Variants in ADCY8 observed in about 807,000 individuals in gnomAD.
The protein encoded by ADCY8 is adenylate cyclase 8.
A neutral mutation model predicts 119.7 loss-of-function variants in ADCY8; 51 were observed. The ratio of observed to expected loss-of-function variants is 0.43; its 90% confidence interval spans 0.34 to 0.54. The LOEUF (loss-of-function observed/expected upper bound fraction) is 0.54, where lower values mean the gene tolerates loss of function less well. ADCY8 is among the 20% of genes least tolerant of loss of function. The probability of loss-of-function intolerance (pLI) is 0.03; values close to 1 mark genes in which losing one functional copy is unlikely to be tolerated. For missense variants in ADCY8, 1,383 were observed against 1,598.8 expected, an observed-to-expected ratio of 0.87 and a Z score of 2.30; for synonymous variants, 665 against 651.0, an observed-to-expected ratio of 1.02 and a Z score of -0.33.
intron 2 of ADCY8, among the ~76,000 whole-genome samples, chr8:130,984,943 T>C (rs1044818655): frequency 6.6e-6 from 1 of 151,948 alleles, no homozygotes; most frequent in Non-Finnish European, 1.5e-5. Flanking sequence ...AAGTGAAGGT[T>C]GAAGCCATGA....
At chr8:130,849,531 T>G (rs1245164603) in intron 10 of ADCY8, 71 bp downstream of exon 10, 16 of 1,511,620 alleles carry the variant, frequency 1.1e-5, no homozygotes, top group Non-Finnish European at 1.5e-5. Flanking sequence ...TGCAGGAAGC[T>G]GCAGGCTCCA....
At position 130,783,777 on chromosome 8, in the gene ADCY8, C is replaced by T. The variant is rs1434916269; in HGVS notation, c.3182G>A (p.Cys1061Tyr). Residue 1061 changes from cysteine (C) to tyrosine (Y), a missense_variant, in exon 17 of 18, where the codon TGT (cysteine) becomes TAT (tyrosine). Cys to Tyr is a radical substitution (Grantham distance 194). This residue lies in a region of ADCY8 where 928 missense variants were observed against 1,163.5 expected (regional missense o/e 0.80). Coordinates refer to ENST00000286355, the MANE Select transcript of ADCY8 (RefSeq NM_001115.3). ...QQCEDKWGHL[C>Y]ALADFSLALT... ...GGCGAGTGAGAAGTCAGCCAGAGCA[C>T]ACAAATGTCCCCACTTGTCTTCACA... 2 of 1,613,612 alleles carry T rather than the reference C, an allele frequency of 1.2e-6. No homozygotes were observed. The highest frequency in any genetic ancestry group is 2.7e-5 in the African/African-American group (2 of 74,900).
intron 15 of ADCY8, among the ~76,000 whole-genome samples, chr8:130,794,873 TAG>T (rs1340166237): frequency 6.6e-6 from 1 of 152,218 alleles, no homozygotes; most frequent in Non-Finnish European, 1.5e-5. Context: ...CTTAAGGACA[TAG>T]AGTGAGAAAA....
At chr8:130,869,371 C>T (rs191026695) in intron 8 of ADCY8, among the ~76,000 whole-genome samples, 1 of 152,212 alleles carries the variant, frequency 6.6e-6, no homozygotes, top group African/African-American at 2.4e-5. Context: ...TAGAGGCCTA[C>T]ACAGAGCAGC....
chr8:131,019,240 C>T (rs1823575073), intron 1 of ADCY8, among the ~76,000 whole-genome samples: 1 of 152,138 alleles, frequency 6.6e-6, no homozygotes, highest in Non-Finnish European at 1.5e-5. Flanking sequence ...AGTAGAGTTG[C>T]CACATAAGCA....
At chr8:131,012,311 A>T (rs970982391) in intron 1 of ADCY8, among the ~76,000 whole-genome samples, 1 of 152,218 alleles carries the variant, frequency 6.6e-6, no homozygotes, top group Non-Finnish European at 1.5e-5. Flanking sequence ...TCACACCACC[A>T]GGTAAACCAC....
In ADCY8 at chr8:130,903,889, A is replaced by G; in HGVS notation, c.1794T>C (p.Pro598=). ...TCACTGACTCCTTGACGATATCTTC[A>G]GGCAAGGACAGCAGACTGTCCTCAG... ...KQPEDSLLSL[P]EDIVKESVSS... is the part of the protein sequence containing the mutation. The change falls in exon 7 of 18, where the codon CCT becomes CCC. Residue 598 remains proline (P), a synonymous_variant. Coordinates refer to ENST00000286355, the MANE Select transcript of ADCY8 (RefSeq NM_001115.3). 1 of 1,614,096 alleles carries G rather than the reference A, an allele frequency of 6.2e-7. No homozygotes were observed. The highest frequency in any genetic ancestry group is 8.5e-7 in the Non-Finnish European group (1 of 1,180,004).
chr8:130,864,184 C>T (rs959290925), intron 9 of ADCY8, among the ~76,000 whole-genome samples: 2 of 152,180 alleles, frequency 1.3e-5, no homozygotes, highest in Admixed American at 1.3e-4. Context: ...CCTTGTTCCT[C>T]TACAGGTAAG....
intron 2 of ADCY8, among the ~76,000 whole-genome samples, chr8:130,981,094 C>T (rs11776563): frequency 0.18 from 27,622 of 152,130 alleles, 5,103 homozygotes; most frequent in African/African-American, 0.48. Context: ...TTGAATACTA[C>T]ACTATACTCA....
chr8:130,994,908 G>C (rs894241612), intron 1 of ADCY8, among the ~76,000 whole-genome samples: 1 of 152,020 alleles, frequency 6.6e-6, no homozygotes, highest in Non-Finnish European at 1.5e-5. Flanking sequence ...GCATGTTCCT[G>C]GGGCACATGT....
chr8:130,997,633 A>C (rs1822820777), intron 1 of ADCY8, among the ~76,000 whole-genome samples: 1 of 152,232 alleles, frequency 6.6e-6, no homozygotes, highest in Non-Finnish European at 1.5e-5. Flanking sequence ...TGACCTCACA[A>C]ATAACTTTAA....
intron 2 of ADCY8, among the ~76,000 whole-genome samples, chr8:130,962,154 T>C (rs1305941900): frequency 6.6e-6 from 1 of 152,188 alleles, no homozygotes; most frequent in Non-Finnish European, 1.5e-5. Flanking sequence ...CTCCTCCCTC[T>C]GTAAAGCATT....
rs199832182 is a variant in ADCY8 at position 130,821,430 on chromosome 8, G to T, written c.2676-10C>A. ...GGTCCCCAGGAAATCTCTGTTGGAAGAAAAAAGGAACTGATAACCATGGGG... is the reference window on the plus strand; with the variant it reads ...GGTCCCCAGGAAATCTCTGTTGGAATAAAAAAGGAACTGATAACCATGGGG... On this transcript the variant is annotated splice_polypyrimidine_tract_variant and intron_variant, in intron 12 of 17. Transcript: ENST00000286355. 2.5e-6 allele frequency: 4 copies of T among 1,608,938 alleles called. No homozygotes were observed. In the East Asian group the frequency reaches 8.9e-5, roughly 36 times the overall value.
intron 2 of ADCY8, among the ~76,000 whole-genome samples, chr8:130,964,097 A>G (rs1176231233): frequency 6.6e-6 from 1 of 152,180 alleles, no homozygotes; most frequent in Non-Finnish European, 1.5e-5. Flanking sequence ...AAGTCCTCGT[A>G]CGTCATGTAG....
At chr8:130,806,716 C>T (rs1297051214) in intron 14 of ADCY8, among the ~76,000 whole-genome samples, 3 of 152,212 alleles carry the variant, frequency 2.0e-5, no homozygotes, top group African/African-American at 7.2e-5. Context: ...AACATCCTCA[C>T]CTCACATTCC....
intron 15 of ADCY8, among the ~76,000 whole-genome samples, chr8:130,800,194 A>G (rs1361114508): frequency 6.6e-6 from 1 of 152,130 alleles, no homozygotes; most frequent in African/African-American, 2.4e-5. Context: ...GGGTTATGTT[A>G]CTTAGCCTCC....
At chr8:130,977,765 GTGGCAGCACCCAGA>G (rs1324606527) in intron 2 of ADCY8, among the ~76,000 whole-genome samples, 2 of 152,226 alleles carry the variant, frequency 1.3e-5, no homozygotes, top group African/African-American at 4.8e-5. Context: ...CAGCAAGTAA[GTGGCAGCACCCAGA>G]TGTGCACACA....
intron 1 of ADCY8, among the ~76,000 whole-genome samples, chr8:130,991,363 G>A (rs1332342669): frequency 6.6e-6 from 1 of 152,330 alleles, no homozygotes; most frequent in South Asian, 2.1e-4. Context: ...CAGAGTTCCA[G>A]ACCACTGTAG....
chr8:130,987,676 C>T (rs537272242), intron 2 of ADCY8, among the ~76,000 whole-genome samples: 1 of 152,180 alleles, frequency 6.6e-6, no homozygotes, highest in East Asian at 1.9e-4. Flanking sequence ...ATCTCCTTCA[C>T]AGGGTATAGA....
Sources: allele counts gnomAD v4.1 joint callset (sites outside exome capture counted in the v4.1 genomes callset), GRCh38; gene constraint gnomAD v4.1.1; regional missense constraint gnomAD v4.1.1; transcripts MANE v1.5; gene names NCBI Gene and HGNC (gene_info 2026-07-23, HGNC 2026-07-21).